The following SLC8A3 variants were observed in gnomAD, a reference collection of about 807,000 sequenced individuals.
SLC8A3 encodes solute carrier family 8 member A3, also known as sodium/calcium exchanger 3.
In SLC8A3, 37 loss-of-function variants were observed where a neutral mutation model predicts 65.4. That is an observed-to-expected ratio of 0.57 (90% CI 0.44 to 0.74). SLC8A3 has a LOEUF of 0.74. Among genes scored for constraint, SLC8A3 ranks in the 30% least tolerant of loss-of-function variants. The probability of loss-of-function intolerance (pLI) is 0.00; values close to 1 mark genes in which losing one functional copy is unlikely to be tolerated. For synonymous variants in SLC8A3, 461 were observed against 444.5 expected, an observed-to-expected ratio of 1.04 and a Z score of -0.47; for missense variants, 1,112 against 1,172.1, an observed-to-expected ratio of 0.95 and a Z score of 0.75.
intron 2 of SLC8A3, among the ~76,000 whole-genome samples, chr14:70,066,676 T>A (rs1361703112): frequency 6.6e-6 from 1 of 152,172 alleles, no homozygotes; most frequent in Non-Finnish European, 1.5e-5. Flanking sequence ...CCAGCCATGG[T>A]GGTGCATGCC....
chr14:70,056,889 T>C (rs1054258075), intron 3 of SLC8A3, among the ~76,000 whole-genome samples: 1 of 152,230 alleles, frequency 6.6e-6, no homozygotes, highest in Non-Finnish European at 1.5e-5. Context: ...GATCTAAGAA[T>C]TAAGGAAACT....
At chr14:70,089,344 C>A (rs1262789754) in intron 2 of SLC8A3, among the ~76,000 whole-genome samples, 1 of 152,168 alleles carries the variant, frequency 6.6e-6, no homozygotes, top group Non-Finnish European at 1.5e-5. Flanking sequence ...TATAAGACCA[C>A]CTCCAGCATG....
intron 2 of SLC8A3, among the ~76,000 whole-genome samples, chr14:70,122,751 T>C (rs1157242789): frequency 1.3e-5 from 2 of 152,154 alleles, no homozygotes; most frequent in Non-Finnish European, 2.9e-5. Flanking sequence ...TAAGAACCTG[T>C]GATTTCTGCT....
At chr14:70,142,332 G>A (rs1169554253) in intron 2 of SLC8A3, among the ~76,000 whole-genome samples, 1 of 152,222 alleles carries the variant, frequency 6.6e-6, no homozygotes, top group African/African-American at 2.4e-5. Context: ...TCAGATTCAG[G>A]TGAAAGCAGG....
At chr14:70,088,346 T>C (rs904923834) in intron 2 of SLC8A3, among the ~76,000 whole-genome samples, 12 of 152,188 alleles carry the variant, frequency 7.9e-5, no homozygotes, top group Admixed American at 2.6e-4. Flanking sequence ...CCCACCAGTC[T>C]CCTGTGGATA....
At chr14:70,165,859 T>C (rs1437638146) in intron 2 of SLC8A3, among the ~76,000 whole-genome samples, 3 of 152,184 alleles carry the variant, frequency 2.0e-5, no homozygotes, top group Non-Finnish European at 4.4e-5. Flanking sequence ...AGAAGATATA[T>C]TTCCTCCCAC....
At chr14:70,096,410 T>A (rs562535092) in intron 2 of SLC8A3, among the ~76,000 whole-genome samples, 4 of 152,258 alleles carry the variant, frequency 2.6e-5, no homozygotes, top group African/African-American at 9.6e-5. Flanking sequence ...ATGAACAAGA[T>A]GAATGTAACT....
intron 2 of SLC8A3, among the ~76,000 whole-genome samples, chr14:70,114,159 A>T (rs1893500500): frequency 6.6e-6 from 1 of 152,168 alleles, no homozygotes; most frequent in Non-Finnish European, 1.5e-5. Flanking sequence ...CTTGGGTGGA[A>T]GAAATAATTT....
intron 2 of SLC8A3, among the ~76,000 whole-genome samples, chr14:70,085,017 T>A (rs1891326737): frequency 6.6e-6 from 1 of 152,186 alleles, no homozygotes; most frequent in African/African-American, 2.4e-5. Flanking sequence ...TTTACAAATG[T>A]CTATTGAGTT....
chr14:70,153,513 G>T (rs542336353), intron 2 of SLC8A3, among the ~76,000 whole-genome samples: 2 of 152,114 alleles, frequency 1.3e-5, no homozygotes, highest in African/African-American at 4.8e-5. Flanking sequence ...AAACAAGAAG[G>T]GGGTGTTGCC....
intron 2 of SLC8A3, among the ~76,000 whole-genome samples, chr14:70,148,337 T>C (rs564630220): frequency 2.6e-5 from 4 of 152,346 alleles, no homozygotes; most frequent in South Asian, 2.1e-4. Context: ...AACCCCATCA[T>C]AGGCTGAGCA....
At chr14:70,120,639 G>A (rs1893991740) in intron 2 of SLC8A3, among the ~76,000 whole-genome samples, 1 of 152,202 alleles carries the variant, frequency 6.6e-6, no homozygotes, top group Non-Finnish European at 1.5e-5. Context: ...GGTTGAGACA[G>A]CCGGGTCCTG....
intron 2 of SLC8A3, among the ~76,000 whole-genome samples, chr14:70,103,531 A>G (rs547062559): frequency 6.6e-6 from 1 of 152,174 alleles, no homozygotes; most frequent in South Asian, 2.1e-4. Context: ...GTGTAAAGGG[A>G]CATAGACTGC....
At chr14:70,127,428 G>A (rs899908508) in intron 2 of SLC8A3, among the ~76,000 whole-genome samples, 2 of 152,102 alleles carry the variant, frequency 1.3e-5, no homozygotes, top group African/African-American at 4.8e-5. Flanking sequence ...TTGTAGACCC[G>A]TGTTCTTTGA....
chr14:70,123,677 C>A (rs931530685), intron 2 of SLC8A3, among the ~76,000 whole-genome samples: 2 of 151,972 alleles, frequency 1.3e-5, no homozygotes, highest in African/African-American at 4.8e-5. Flanking sequence ...CTTGAACTCC[C>A]GACCTCAGGT....
intron 2 of SLC8A3, among the ~76,000 whole-genome samples, chr14:70,153,354 C>T (rs1594769723): frequency 2.0e-5 from 3 of 152,154 alleles, no homozygotes; most frequent in African/African-American, 7.2e-5. Flanking sequence ...GATTTACTTA[C>T]TCCTGAGGCC....
intron 2 of SLC8A3, among the ~76,000 whole-genome samples, chr14:70,077,288 G>C (rs772645112): frequency 2.0e-5 from 3 of 152,160 alleles, no homozygotes; most frequent in Non-Finnish European, 4.4e-5. Context: ...GAGAGGTCTT[G>C]AGTTTCCACA....
At chr14:70,056,152 A>G (rs1423678580) in intron 3 of SLC8A3, among the ~76,000 whole-genome samples, 4 of 152,250 alleles carry the variant, frequency 2.6e-5, no homozygotes, top group Non-Finnish European at 5.9e-5. Context: ...GTAGGATACC[A>G]GGTTATCACA....
chr14:70,116,292 T>A (rs1268551046), intron 2 of SLC8A3, among the ~76,000 whole-genome samples: 2 of 151,786 alleles, frequency 1.3e-5, no homozygotes, highest in Non-Finnish European at 2.9e-5. Context: ...ATTTGGTGCA[T>A]ACTAACTAAA....
Sources: gnomAD v4.1 joint callset for allele counts (sites outside exome capture counted in the v4.1 genomes callset) on GRCh38, gnomAD v4.1.1 for gene constraint, MANE v1.5 for transcripts, NCBI Gene and HGNC (gene_info 2026-07-23, HGNC 2026-07-21) for gene names.